The following RASGEF1B variants were observed in gnomAD, a reference collection of about 807,000 sequenced individuals.
RASGEF1B encodes the protein RasGEF domain family member 1B, also known as ras-GEF domain-containing family member 1B.
A neutral mutation model predicts 65.7 loss-of-function variants in RASGEF1B; 30 were observed. That is an observed-to-expected ratio of 0.46 (90% confidence interval 0.34 to 0.62). RASGEF1B has a LOEUF of 0.62. RASGEF1B is among the 20% of genes least tolerant of loss of function. The pLI is 0.01. For missense variants in RASGEF1B, 495 were observed against 580.1 expected (o/e 0.85, Z 1.51); for synonymous variants, 175 against 194.8 (o/e 0.90, Z 0.85).
intron 8 of RASGEF1B, 96 bp from the exon 9 acceptor site, chr4:81,442,472 A>G: frequency 1.4e-6 from 1 of 731,740 alleles, no homozygotes; most frequent in East Asian, 2.6e-5. Context: ...TTTCATTACT[A>G]AGTGAGAATT....
intron 1 of RASGEF1B, among the ~76,000 whole-genome samples, chr4:81,469,647 GTA>G (rs200511618): frequency 8.1e-5 from 11 of 136,414 alleles, no homozygotes; most frequent in South Asian, 4.5e-4. Context: ...ACATATATGT[GTA>G]TATATACACA....
chr4:81,442,326 CT>C lies in RASGEF1B; in HGVS notation c.978del (p.Val327Ter). 6.2e-7 allele frequency: 1 copy of C among 1,613,458 alleles called. No individual in the cohort carries two copies. Reference protein sequence around the residue: ...PVSRLKKTWAKVKTAKFDILE... With the variant: ...PVSRLKKTWAXVKTAKFDILE... ...AGAATGTCAAATTTTGCAGTCTTCA[CT>C]TTGGCCCAAGTTTTTTTTAGTCGAG... On this transcript the variant is annotated frameshift_variant, in exon 9 of 14. Coordinates refer to ENST00000264400, the MANE Select transcript of RASGEF1B (RefSeq NM_152545.3). LOFTEE classifies it high-confidence loss of function.
At chr4:81,441,090 A>G (rs965955840) in intron 9 of RASGEF1B, among the ~76,000 whole-genome samples, 161 bp from the exon 10 acceptor site, 1 of 152,226 alleles carries the variant, frequency 6.6e-6, no homozygotes, top group Non-Finnish European at 1.5e-5. Context: ...TGCACATGAC[A>G]CAAGTGTTTT....
chr4:81,464,432 A>C (rs900345760), intron 1 of RASGEF1B, among the ~76,000 whole-genome samples: 4 of 152,238 alleles, frequency 2.6e-5, no homozygotes, highest in Non-Finnish European at 5.9e-5. Context: ...AAAGCTGCTG[A>C]CTTTATTCAA....
At chr4:81,464,940 C>T (rs557970428) in intron 1 of RASGEF1B, among the ~76,000 whole-genome samples, 229 of 151,972 alleles carry the variant, frequency 1.5e-3, no homozygotes, top group African/African-American at 5.2e-3. Context: ...CAAAATTAGC[C>T]GGGCATGGTG....
At chr4:81,457,103 G>A (rs1722473351) in intron 3 of RASGEF1B, among the ~76,000 whole-genome samples, 3 of 152,070 alleles carry the variant, frequency 2.0e-5, no homozygotes, top group Non-Finnish European at 1.5e-5. Flanking sequence ...ACTGCAACCT[G>A]CCTCCCAGGT....
Position 81,432,174 on chromosome 4 carries a change from C to T in RASGEF1B, c.1397+125G>A, listed in dbSNP as rs1159714226. On this transcript the variant is annotated intron_variant, in intron 13 of 13. Transcript: ENST00000264400. ...TTCTGAGCCACAAAGATTTGGTGTA[C>T]AAGAGATAAAGTGCAGAGGACTTGG... The T allele has an allele frequency of 1.0e-5, 6 of 573,382 alleles. No homozygotes were observed. The South Asian group carries it at 1.1e-4, about 11-fold the overall frequency. 35.5% of individuals were successfully genotyped at this position (573,382 alleles called of 1,614,324 possible).
At chr4:81,451,301 G>C (rs1306817065) in intron 4 of RASGEF1B, 1 of 152,106 alleles carries the variant, frequency 6.6e-6, no homozygotes, top group Non-Finnish European at 1.5e-5. Context: ...GTGTCCAATA[G>C]AATAGTTTTT....
Position 81,426,738 on chromosome 4 carries a change from A to C in RASGEF1B, c.*1030T>G, listed in dbSNP as rs566391153. 6.6e-6 allele frequency: 1 copy of C among 152,270 alleles called. No homozygotes were observed. The highest frequency in any genetic ancestry group is 2.1e-4 in the South Asian group (1 of 4,814). The allele number at this position is 152,270 out of a possible 1,614,324, so 9.4% of individuals were successfully genotyped here. On this transcript the variant is annotated 3_prime_UTR_variant, in exon 14 of 14. Transcript: ENST00000264400. Reference sequence around the variant, plus strand: ...TTTTGTTTACTGCTATAGTGGGGACAGGTAACTTCTCCAATTTATTCTTTG... The same window carrying C: ...TTTTGTTTACTGCTATAGTGGGGACCGGTAACTTCTCCAATTTATTCTTTG...
At chr4:81,447,728 A>G (rs774406609) in intron 5 of RASGEF1B, 150 bp from the exon 6 acceptor site, 1 of 701,022 alleles carries the variant, frequency 1.4e-6, no homozygotes, top group African/African-American at 1.8e-5. Context: ...ATCATCTTCA[A>G]GGTCTGTGCG....
chr4:81,454,906 T>A (rs1722390780), intron 4 of RASGEF1B: 1 of 152,200 alleles, frequency 6.6e-6, no homozygotes, highest in Non-Finnish European at 1.5e-5. Context: ...TTTTGTAAAA[T>A]TGGGATAAAT....
chr4:81,435,227 A>C (rs557933491), intron 10 of RASGEF1B, among the ~76,000 whole-genome samples: 40 of 151,190 alleles, frequency 2.6e-4, no homozygotes, highest in Admixed American at 5.9e-4. Context: ...CTGGCTAACA[A>C]GGTGAAACCC....
At chr4:81,447,948 T>C (rs1722094798) in intron 5 of RASGEF1B, 121 bp downstream of exon 5, 2 of 777,970 alleles carry the variant, frequency 2.6e-6, no homozygotes, top group South Asian at 3.3e-5. Context: ...CTATCTCAGA[T>C]GATTTCCCAC....
At chr4:81,471,468 G>A (rs1437849747) in intron 1 of RASGEF1B, among the ~76,000 whole-genome samples, 1 of 152,200 alleles carries the variant, frequency 6.6e-6, no homozygotes, top group African/African-American at 2.4e-5. Context: ...GGGTCCCAGC[G>A]GCTCGGCCTC....
chr4:81,456,252 C>T (rs999223322), intron 4 of RASGEF1B: 7 of 509,754 alleles, frequency 1.4e-5, no homozygotes, highest in South Asian at 6.1e-5. Context: ...TATTTATCCT[C>T]GGTTAATAGA....
In RASGEF1B at chr4:81,448,137, G is replaced by GTATA; in HGVS notation, c.582_585dup (p.Gln196TyrfsTer47). The GTATA allele has an allele frequency of 6.2e-7, 1 of 1,614,172 alleles. No homozygotes were observed. Among genetic ancestry groups the GTATA allele is most frequent in the South Asian group, 1.1e-5 (1 of 91,090 alleles). ...TTGCAGACAGTAATGATATCCCTTTGTATAGACTGTGGCTTGGTCTTGAGA... is the reference window on the plus strand; with the variant it reads ...TTGCAGACAGTAATGATATCCCTTTGTATATATAGACTGTGGCTTGGTCTTGAGA... On this transcript the variant is annotated frameshift_variant, in exon 5 of 14. Coordinates refer to ENST00000264400, the MANE Select transcript of RASGEF1B (RefSeq NM_152545.3). LOFTEE classifies it high-confidence loss of function.
rs775407686 is a variant in RASGEF1B at position 81,442,396 on chromosome 4, G to A, written c.929-20C>T. 21 of 1,533,668 alleles carry A rather than the reference G, an allele frequency of 1.4e-5. No homozygotes were observed. The highest frequency in any genetic ancestry group is 1.8e-5 in the Non-Finnish European group (20 of 1,109,806). On this transcript the variant is annotated intron_variant, in intron 8 of 13. Transcript: ENST00000264400. Reference sequence around the variant, plus strand: ...TACCAGCTTCCCATTTGAAATGGAGGGGGAGAAAAAAGGAAAATTGAAAGA... The same window carrying A: ...TACCAGCTTCCCATTTGAAATGGAGAGGGAGAAAAAAGGAAAATTGAAAGA...
At chr4:81,456,122 G>A (rs1722432682) in intron 4 of RASGEF1B, 1 of 190,612 alleles carries the variant, frequency 5.2e-6, no homozygotes, top group Admixed American at 5.8e-5. Flanking sequence ...CTTTTACCTG[G>A]AACTTAAACT....
intron 13 of RASGEF1B, among the ~76,000 whole-genome samples, chr4:81,428,202 G>GGTGTCTGCCGTCAGAGGT (rs1484102830): frequency 3.9e-5 from 6 of 152,086 alleles, no homozygotes; most frequent in Non-Finnish European, 7.4e-5. Flanking sequence ...TGACAATAAG[G>GGTGTCTGCCGTCAGAGGT]GTGTCTGCCG....
Sources: allele counts gnomAD v4.1 joint callset (sites outside exome capture counted in the v4.1 genomes callset), GRCh38; gene constraint gnomAD v4.1.1; transcripts MANE v1.5; gene names NCBI Gene and HGNC (gene_info 2026-07-23, HGNC 2026-07-21).